Variants in GAK observed in about 807,000 individuals in gnomAD.
GAK encodes cyclin G associated kinase.
A neutral mutation model predicts 143.9 loss-of-function variants in GAK; 79 were observed. The ratio of observed to expected loss-of-function variants is 0.55; its 90% CI spans 0.46 to 0.66. The LOEUF (loss-of-function observed/expected upper bound fraction) is 0.66. Ranked by LOEUF, GAK falls within the 30% of genes least tolerant of loss-of-function variation. GAK has a pLI of 0.00. For synonymous variants in GAK, 881 were observed against 765.5 expected, an observed-to-expected ratio of 1.15 and a Z score of -2.49; for missense variants, 1,693 against 1,779.7, an observed-to-expected ratio of 0.95 and a Z score of 0.88.
At chr4:877,549 C>T in intron 16 of GAK, 66 bp downstream of exon 16, 1 of 1,486,930 alleles carries the variant, frequency 6.7e-7, no homozygotes, top group South Asian at 1.3e-5. Flanking sequence ...GCCAGGGTTC[C>T]TCTTTAACGG....
chr4:908,695 G>T (rs1577268743), intron 4 of GAK, among the ~76,000 whole-genome samples: 1 of 152,132 alleles, frequency 6.6e-6, no homozygotes, highest in African/African-American at 2.4e-5. Context: ...GGCTAAGGCG[G>T]GAGGACTGCT....
At chr4:910,620 G>A (rs1384929720) in intron 4 of GAK, among the ~76,000 whole-genome samples, 1 of 152,158 alleles carries the variant, frequency 6.6e-6, no homozygotes, top group Non-Finnish European at 1.5e-5. Flanking sequence ...TGGCTGCTGA[G>A]CAGGGGCTGG....
At chr4:893,824 G>A in intron 8 of GAK, 50 bp downstream of exon 8, 2 of 1,518,964 alleles carry the variant, frequency 1.3e-6, no homozygotes, top group Non-Finnish European at 8.9e-7. Context: ...AGCCACGCGG[G>A]GTCTGTGCTC....
At chr4:894,978 C>CAAATAAATAAATAAATAAAT (rs1553885659) in intron 7 of GAK, among the ~76,000 whole-genome samples, 2 of 126,458 alleles carry the variant, frequency 1.6e-5, no homozygotes, top group Admixed American at 1.6e-4. Flanking sequence ...GACTCTGTCT[C>CAAATAAATAAATAAATAAAT]AAATAAATAA....
chr4:873,630 T>C (rs1177602457), intron 18 of GAK, among the ~76,000 whole-genome samples: 1 of 152,190 alleles, frequency 6.6e-6, no homozygotes, highest in Non-Finnish European at 1.5e-5. Context: ...GCCATGTCAC[T>C]GCCCTCGCCC....
intron 25 of GAK, chr4:851,389 C>T (rs1361412667): frequency 6.4e-6 from 3 of 469,066 alleles, no homozygotes; most frequent in African/African-American, 2.0e-5. Context: ...AGCCACAAAG[C>T]CCAGTTAAGA....
chr4:873,226 G>A (rs916117337), intron 18 of GAK, among the ~76,000 whole-genome samples: 2 of 152,214 alleles, frequency 1.3e-5, no homozygotes, highest in African/African-American at 4.8e-5. Context: ...CACACATCTG[G>A]TAAGTGGTAT....
chr4:900,043 G>C (rs1488576883), intron 5 of GAK, among the ~76,000 whole-genome samples: 1 of 152,258 alleles, frequency 6.6e-6, no homozygotes, highest in Non-Finnish European at 1.5e-5. Context: ...AAAGATCAGC[G>C]ACCCTGGCTC....
chr4:910,588 G>A (rs889262480), intron 4 of GAK, among the ~76,000 whole-genome samples: 13 of 152,032 alleles, frequency 8.6e-5, no homozygotes, highest in Middle Eastern at 3.2e-3. Context: ...TGCGCTAGCC[G>A]GCCTGCGGGA....
At chr4:875,136 G>C (rs1429513188) in intron 18 of GAK, among the ~76,000 whole-genome samples, 1 of 152,102 alleles carries the variant, frequency 6.6e-6, no homozygotes, top group Non-Finnish European at 1.5e-5. Context: ...TTAAGTCCCC[G>C]ACAGGTCCTT....
chr4:898,042 C>A lies in GAK; in HGVS notation c.642G>T (p.Val214=). The A allele has an allele frequency of 6.2e-7, 1 of 1,613,020 alleles. No individual in the cohort carries two copies. Among genetic ancestry groups the A allele is most frequent in the Middle Eastern group, 1.8e-4 (1 of 5,614 alleles). ...GCCCCACTCAGCTCACCTCTTCCTC[C>A]ACCAGGGCTCGCCTCTGGGCGCTCC... ...YSWSAQRRAL[V]EEEITRNTTP... Residue 214 remains valine (V), a synonymous_variant, in exon 6 of 28, where the codon GTG becomes GTT. Coordinates refer to ENST00000314167, the MANE Select transcript of GAK (RefSeq NM_005255.4).
chr4:865,978 G>A (rs534944236), intron 22 of GAK, among the ~76,000 whole-genome samples: 1 of 152,322 alleles, frequency 6.6e-6, no homozygotes, highest in East Asian at 1.9e-4. Flanking sequence ...TCAGCTTCCC[G>A]GACCCTGGGT....
At chr4:855,236 G>A (rs941428742) in intron 24 of GAK, among the ~76,000 whole-genome samples, 3 of 151,856 alleles carry the variant, frequency 2.0e-5, no homozygotes, top group Non-Finnish European at 4.4e-5. Context: ...CCCTTCACTC[G>A]CATCTCCTCT....
chr4:926,719 G>A (rs557750971), intron 1 of GAK, among the ~76,000 whole-genome samples: 86 of 152,238 alleles, frequency 5.6e-4, no homozygotes, highest in Non-Finnish European at 1.1e-3. Flanking sequence ...TTGGTACCAG[G>A]AGAGCCGCCA....
chr4:873,036 C>T (rs1029895840), intron 18 of GAK, among the ~76,000 whole-genome samples: 2 of 152,086 alleles, frequency 1.3e-5, no homozygotes, highest in African/African-American at 2.4e-5. Context: ...AGGCTCACCA[C>T]GCAGGGAACA....
intron 24 of GAK, among the ~76,000 whole-genome samples, chr4:858,570 G>A (rs1053691363): frequency 2.6e-5 from 4 of 152,186 alleles, no homozygotes; most frequent in East Asian, 1.9e-4. Context: ...AAACCACACC[G>A]ACAGAAACGC....
chr4:906,266 C>G lies in GAK; in HGVS notation c.383-1487G>C, dbSNP rs189937848. Among the ~76,000 whole-genome samples the G allele has an allele frequency of 1.5e-4, 23 of 152,366 alleles. No individual in the cohort carries two copies. The East Asian group carries it at 4.4e-3, about 29-fold the overall frequency. ...TTAACATGGATACAAAGAGAAATGACTACAAATACACAAGTGCTCAAACCT... is the reference window on the plus strand; with the variant it reads ...TTAACATGGATACAAAGAGAAATGAGTACAAATACACAAGTGCTCAAACCT... On this transcript the variant is annotated intron_variant, in intron 4 of 27. Coordinates refer to ENST00000314167, the MANE Select transcript of GAK (RefSeq NM_005255.4).
At chr4:855,546 C>T (rs984574470) in intron 24 of GAK, among the ~76,000 whole-genome samples, 1 of 152,218 alleles carries the variant, frequency 6.6e-6, no homozygotes, top group African/African-American at 2.4e-5. Context: ...AATTTTATTT[C>T]TCCCTTTGTA....
intron 1 of GAK, among the ~76,000 whole-genome samples, chr4:917,405 G>A (rs987813661): frequency 2.0e-5 from 3 of 148,324 alleles, no homozygotes; most frequent in Non-Finnish European, 1.5e-5. Context: ...TGGATCTATA[G>A]TAACAGAAGG....
Sources: allele counts gnomAD v4.1 joint callset (sites outside exome capture counted in the v4.1 genomes callset), GRCh38; gene constraint gnomAD v4.1.1; transcripts MANE v1.5; gene names NCBI Gene and HGNC (gene_info 2026-07-23, HGNC 2026-07-21).